PDE4B: variants seen among roughly 807,000 people sequenced by gnomAD.
PDE4B encodes 3',5'-cyclic-AMP phosphodiesterase 4B.
Under a neutral mutation model 82.2 loss-of-function variants are expected in PDE4B, and 20 were observed. The ratio of observed to expected loss-of-function variants is 0.24; its 90% CI spans 0.17 to 0.35. PDE4B has a LOEUF of 0.35. PDE4B is among the 10% of genes least tolerant of loss of function. The pLI is 1.00. For missense variants in PDE4B, 655 were observed against 907.2 expected, an observed-to-expected ratio of 0.72 and a Z score of 3.57; for synonymous variants, 320 against 318.9, an observed-to-expected ratio of 1.00 and a Z score of -0.04.
intron 3 of PDE4B, among the ~76,000 whole-genome samples, chr1:66,008,617 C>G (rs976510983): frequency 5.9e-5 from 9 of 152,118 alleles, no homozygotes; most frequent in Non-Finnish European, 1.3e-4. Context: ...TTTCATTTCT[C>G]CCTTATAAGC....
At chr1:65,876,872 A>G (rs1300760253) in intron 1 of PDE4B, among the ~76,000 whole-genome samples, 1 of 152,190 alleles carries the variant, frequency 6.6e-6, no homozygotes, top group Non-Finnish European at 1.5e-5. Context: ...TTCAAGGAGA[A>G]CTACAAACCA....
chr1:66,134,295 A>T (rs1646011462), intron 3 of PDE4B, among the ~76,000 whole-genome samples: 1 of 152,174 alleles, frequency 6.6e-6, no homozygotes, highest in African/African-American at 2.4e-5. Flanking sequence ...TCATTTAAAA[A>T]CTTCTCTATT....
At chr1:66,100,552 T>C (rs1042135917) in intron 3 of PDE4B, among the ~76,000 whole-genome samples, 2 of 152,170 alleles carry the variant, frequency 1.3e-5, no homozygotes, top group Admixed American at 6.6e-5. Flanking sequence ...ATCATAGATA[T>C]GTTTAAGTTT....
At chr1:65,957,510 A>G (rs1270206875) in intron 3 of PDE4B, among the ~76,000 whole-genome samples, 1 of 152,100 alleles carries the variant, frequency 6.6e-6, no homozygotes, top group African/African-American at 2.4e-5. Flanking sequence ...CTCTTCAGAA[A>G]TGGTGAGTTC....
chr1:65,859,577 C>T (rs1183907543), intron 1 of PDE4B, among the ~76,000 whole-genome samples: 1 of 151,634 alleles, frequency 6.6e-6, no homozygotes, highest in Non-Finnish European at 1.5e-5. Flanking sequence ...AGATGTGGAC[C>T]GTCATATAAA....
intron 3 of PDE4B, among the ~76,000 whole-genome samples, chr1:66,033,486 A>G (rs1653903550): frequency 6.6e-6 from 1 of 152,148 alleles, no homozygotes; most frequent in Non-Finnish European, 1.5e-5. Context: ...CGCTTTATTC[A>G]CTACTAACTC....
chr1:66,252,570 T>C (rs1157941242), intron 4 of PDE4B, among the ~76,000 whole-genome samples: 1 of 152,234 alleles, frequency 6.6e-6, no homozygotes, highest in African/African-American at 2.4e-5. Context: ...AATACTGTAC[T>C]GAAAGTGAAA....
chr1:66,296,030 A>G (rs1209962411), intron 7 of PDE4B, among the ~76,000 whole-genome samples: 1 of 152,028 alleles, frequency 6.6e-6, no homozygotes, highest in Non-Finnish European at 1.5e-5. Context: ...CCCTTTGTTC[A>G]TCAGGCTAAT....
chr1:66,354,590 T>A (rs1662087140), intron 8 of PDE4B: 1 of 1,315,496 alleles, frequency 7.6e-7, no homozygotes, highest in Non-Finnish European at 9.7e-7. Flanking sequence ...TGCTCCTTCG[T>A]GCAATTCCTG....
At chr1:66,229,260 C>G (rs969807290) in intron 3 of PDE4B, among the ~76,000 whole-genome samples, 1 of 151,918 alleles carries the variant, frequency 6.6e-6, no homozygotes, top group African/African-American at 2.4e-5. Context: ...CCGCCCGCCT[C>G]GGCCTCCCAA....
intron 7 of PDE4B, among the ~76,000 whole-genome samples, chr1:66,322,016 C>A (rs1659440020): frequency 6.6e-6 from 1 of 152,128 alleles, no homozygotes; most frequent in South Asian, 2.1e-4. Flanking sequence ...AGAAATAACA[C>A]CACATATCTA....
intron 3 of PDE4B, among the ~76,000 whole-genome samples, chr1:66,129,697 CA>C (rs66704627): frequency 0.78 from 100,711 of 129,872 alleles, 39,307 homozygotes; most frequent in Non-Finnish European, 0.81. Flanking sequence ...AACAAAAAAA[CA>C]AAAAAAAAAA....
At chr1:66,224,956 A>C (rs910621695) in intron 3 of PDE4B, among the ~76,000 whole-genome samples, 1 of 152,178 alleles carries the variant, frequency 6.6e-6, no homozygotes, top group Non-Finnish European at 1.5e-5. Context: ...CAAGAGAGCT[A>C]ATTTATCTGT....
chr1:66,239,625 A>T (rs186589348), intron 3 of PDE4B, among the ~76,000 whole-genome samples: 3 of 152,350 alleles, frequency 2.0e-5, no homozygotes, highest in African/African-American at 7.2e-5. Flanking sequence ...TCCTATATTT[A>T]TGAAGAGGGA....
At chr1:65,921,063 G>A (rs1328283555) in intron 3 of PDE4B, among the ~76,000 whole-genome samples, 4 of 145,612 alleles carry the variant, frequency 2.7e-5, no homozygotes, top group Non-Finnish European at 6.0e-5. Flanking sequence ...CCGCCTCCCG[G>A]GTTCACGCCA....
chr1:65,980,243 AAAT>A lies in PDE4B; in HGVS notation c.281+61413_281+61415del, dbSNP rs1449772084. ...AATATGTGTATATAATGAAGGTATA[AAAT>A]AATATTTTCTGTCATAAATTTTTCC... On this transcript the variant is annotated intron_variant, in intron 3 of 16. Coordinates refer to ENST00000341517, the MANE Select transcript of PDE4B (RefSeq NM_002600.4). 6.6e-5 allele frequency among the ~76,000 whole-genome samples: 10 copies of A among 152,340 alleles called. No individual in the cohort carries two copies. In the East Asian group the frequency reaches 1.9e-3, roughly 29 times the overall value.
intron 3 of PDE4B, among the ~76,000 whole-genome samples, chr1:66,082,264 G>A (rs1476709427): frequency 6.6e-6 from 1 of 152,020 alleles, no homozygotes; most frequent in Non-Finnish European, 1.5e-5. Context: ...CTGAGAACAA[G>A]GAGCCTCCTT....
At chr1:66,079,970 C>A (rs568054188) in intron 3 of PDE4B, among the ~76,000 whole-genome samples, 2 of 152,090 alleles carry the variant, frequency 1.3e-5, no homozygotes, top group African/African-American at 2.4e-5. Context: ...CTGTTTTAAA[C>A]GTTTATTAAT....
Position 66,363,666 on chromosome 1 carries a change from A to G in PDE4B, c.1284+95A>G. On this transcript the variant is annotated intron_variant, in intron 12 of 16. Coordinates refer to ENST00000341517, the MANE Select transcript of PDE4B (RefSeq NM_002600.4). ...GTAGCATGTGCCTGTAGTCCTAGCT[A>G]CTCGGGAGGCTGAGTTGGGAGGATT... The G allele has an allele frequency of 8.2e-6, 8 of 980,968 alleles. No individual in the cohort carries two copies. In the South Asian group the frequency reaches 1.4e-4, roughly 17 times the overall value. 60.8% of individuals were successfully genotyped at this position (980,968 alleles called of 1,614,324 possible).
Sources: allele counts gnomAD v4.1 joint callset (sites outside exome capture counted in the v4.1 genomes callset), GRCh38; gene constraint gnomAD v4.1.1; transcripts MANE v1.5; gene names NCBI Gene and HGNC (gene_info 2026-07-23, HGNC 2026-07-21).